SPECC1L: variants seen among roughly 807,000 people sequenced by gnomAD.
SPECC1L encodes the protein sperm antigen with calponin homology and coiled-coil domains 1 like.
A neutral mutation model predicts 116.8 loss-of-function variants in SPECC1L; 40 were observed. That is an observed-to-expected ratio of 0.34 (90% confidence interval 0.27 to 0.45). The LOEUF is 0.45. SPECC1L is among the 20% of genes least tolerant of loss of function. SPECC1L has a pLI of 1.00. For missense variants in SPECC1L, 1,110 were observed against 1,373.6 expected (o/e 0.81, Z 3.03); for synonymous variants, 504 against 500.6 (o/e 1.01, Z -0.09).
intron 4 of SPECC1L, among the ~76,000 whole-genome samples, chr22:24,319,909 TTATTTCTTAAG>T (rs535591766): frequency 1.3e-3 from 196 of 152,362 alleles, no homozygotes; most frequent in African/African-American, 4.5e-3. Context: ...TAAAAATTTG[TTATTTCTTAAG>T]TATTTACAGG....
intron 1 of SPECC1L, among the ~76,000 whole-genome samples, chr22:24,276,224 T>G (rs1254080055): frequency 1.3e-5 from 2 of 151,914 alleles, no homozygotes; most frequent in African/African-American, 4.8e-5. Context: ...AGATAAACAT[T>G]TTATAATTAG....
chr22:24,304,224 C>T (rs1267184027), intron 3 of SPECC1L, among the ~76,000 whole-genome samples: 21 of 152,152 alleles, frequency 1.4e-4, no homozygotes, highest in Admixed American at 1.4e-3. Context: ...CATGTGCACA[C>T]ACCCATTCAT....
At chr22:24,337,996 G>A (rs2041096263) in intron 9 of SPECC1L, among the ~76,000 whole-genome samples, 1 of 152,114 alleles carries the variant, frequency 6.6e-6, no homozygotes, top group African/African-American at 2.4e-5. Flanking sequence ...TGTTTAATAT[G>A]CAACTATTGA....
intron 2 of SPECC1L, among the ~76,000 whole-genome samples, chr22:24,293,463 AT>A (rs2049196015): frequency 1.3e-5 from 2 of 151,822 alleles, no homozygotes; most frequent in Non-Finnish European, 2.9e-5. Context: ...AAAACAAAAA[AT>A]AAAAGGGGGG....
At chr22:24,327,834 G>A (rs2040861299) in intron 6 of SPECC1L, among the ~76,000 whole-genome samples, 1 of 152,188 alleles carries the variant, frequency 6.6e-6, no homozygotes, top group African/African-American at 2.4e-5. Context: ...CGAGACAGAT[G>A]TGTCGAGATG....
chr22:24,407,924 C>G (rs1399200342), intron 14 of SPECC1L, among the ~76,000 whole-genome samples: 4 of 152,200 alleles, frequency 2.6e-5, no homozygotes, highest in Non-Finnish European at 5.9e-5. Flanking sequence ...ATTAGGAAAT[C>G]TTACCTAGAC....
chr22:24,281,873 A>C (rs532254364), intron 2 of SPECC1L, among the ~76,000 whole-genome samples: 1 of 152,354 alleles, frequency 6.6e-6, no homozygotes, highest in African/African-American at 2.4e-5. Context: ...GCCTAGACAG[A>C]GCGGAATCAT....
chr22:24,357,554 T>C (rs192316213), intron 11 of SPECC1L, among the ~76,000 whole-genome samples: 13 of 152,342 alleles, frequency 8.5e-5, no homozygotes, highest in African/African-American at 3.1e-4. Flanking sequence ...TTACAATTCT[T>C]TATTGAAAGC....
chr22:24,313,159 T>G (rs2040494197), intron 3 of SPECC1L, among the ~76,000 whole-genome samples, 154 bp from the exon 4 acceptor site: 1 of 152,262 alleles, frequency 6.6e-6, no homozygotes, highest in South Asian at 2.1e-4. Context: ...GTTCTGTTTC[T>G]GTAGGACAGT....
intron 2 of SPECC1L, among the ~76,000 whole-genome samples, chr22:24,283,376 C>A (rs1048931853): frequency 1.3e-5 from 2 of 152,274 alleles, no homozygotes; most frequent in Non-Finnish European, 2.9e-5. Flanking sequence ...CCGCGCCCAG[C>A]CTGCCTTGCC....
chr22:24,400,504 T>C (rs1245693855), intron 14 of SPECC1L, among the ~76,000 whole-genome samples: 1 of 152,234 alleles, frequency 6.6e-6, no homozygotes, highest in East Asian at 1.9e-4. Context: ...ACCTTTTGGC[T>C]TTTTTGAATA....
intron 4 of SPECC1L, among the ~76,000 whole-genome samples, chr22:24,318,797 C>T (rs997055175): frequency 6.6e-6 from 1 of 151,794 alleles, no homozygotes; most frequent in Admixed American, 6.6e-5. Context: ...GGTATGGTGG[C>T]GTGTGCTTGT....
intron 6 of SPECC1L, among the ~76,000 whole-genome samples, chr22:24,325,435 G>T (rs1346899649): frequency 6.6e-6 from 1 of 152,200 alleles, no homozygotes; most frequent in Non-Finnish European, 1.5e-5. Context: ...AGTCATGACT[G>T]TAGAGATTGT....
intron 2 of SPECC1L, among the ~76,000 whole-genome samples, chr22:24,288,655 T>G: frequency 7.3e-6 from 1 of 136,190 alleles, no homozygotes; most frequent in African/African-American, 2.7e-5. Context: ...GGACATATCC[T>G]TGCTCTGTTG....
intron 14 of SPECC1L, among the ~76,000 whole-genome samples, chr22:24,393,428 AG>A (rs1299050072): frequency 1.3e-5 from 2 of 152,168 alleles, no homozygotes; most frequent in Admixed American, 6.5e-5. Context: ...GATTCACCTA[AG>A]ATTTAGCTTA....
intron 14 of SPECC1L, among the ~76,000 whole-genome samples, chr22:24,393,478 G>A (rs917782101): frequency 3.9e-5 from 6 of 152,150 alleles, no homozygotes; most frequent in African/African-American, 7.2e-5. Context: ...GCCAGTTAGC[G>A]TCCACCCAGG....
intron 3 of SPECC1L, among the ~76,000 whole-genome samples, chr22:24,309,986 G>A (rs1440038946): frequency 6.6e-6 from 1 of 152,120 alleles, no homozygotes; most frequent in South Asian, 2.1e-4. Flanking sequence ...CTCTTACGCA[G>A]TTCCCACCCA....
Position 24,354,735 on chromosome 22 carries a change from C to T in SPECC1L, c.2743+7559C>T, listed in dbSNP as rs1043773723. On this transcript the variant is annotated intron_variant, in intron 11 of 16. Coordinates refer to ENST00000314328, the MANE Select transcript of SPECC1L (RefSeq NM_015330.6). ...GGAGTGCAACGGTGTGATCTCGGCT[C>T]GCTGCAACCTGCGCCCCCTGGGTTC... Among the ~76,000 whole-genome samples the T allele has an allele frequency of 9.4e-5, 14 of 149,032 alleles. No homozygotes were observed. In the East Asian group the frequency reaches 2.6e-3, roughly 28 times the overall value.
At chr22:24,382,208 A>G (rs1008241198) in intron 14 of SPECC1L, among the ~76,000 whole-genome samples, 3 of 152,170 alleles carry the variant, frequency 2.0e-5, no homozygotes. Flanking sequence ...TATAGAGAAA[A>G]ATTCAATTGA....
Sources: gnomAD v4.1 joint callset for allele counts (sites outside exome capture counted in the v4.1 genomes callset) on GRCh38, gnomAD v4.1.1 for gene constraint, MANE v1.5 for transcripts, NCBI Gene and HGNC (gene_info 2026-07-23, HGNC 2026-07-21) for gene names.